CCDC73: variants seen among roughly 807,000 people sequenced by gnomAD.
CCDC73 encodes coiled-coil domain-containing protein 73.
Under a neutral mutation model 116.5 loss-of-function variants are expected in CCDC73, and 95 were observed. The ratio of observed to expected loss-of-function variants is 0.82; its 90% CI spans 0.69 to 0.97. The LOEUF (loss-of-function observed/expected upper bound fraction) is 0.97. Ranked by LOEUF, CCDC73 falls within the 50% of genes least tolerant of loss-of-function variation. The pLI, the probability that CCDC73 is intolerant of heterozygous loss-of-function variation, is 0.00. For synonymous variants in CCDC73, 398 were observed against 401.3 expected, an observed-to-expected ratio of 0.99 and a Z score of 0.10; for missense variants, 1,066 against 1,206.8, an observed-to-expected ratio of 0.88 and a Z score of 1.73.
At chr11:32,707,857 T>G (rs1590605893) in intron 3 of CCDC73, among the ~76,000 whole-genome samples, 2 of 152,174 alleles carry the variant, frequency 1.3e-5, no homozygotes, top group Non-Finnish European at 2.9e-5. Context: ...CAAACATTTC[T>G]GAAATCACCC....
At chr11:32,689,805 C>T (rs1381517287) in intron 6 of CCDC73, among the ~76,000 whole-genome samples, 2 of 152,074 alleles carry the variant, frequency 1.3e-5, no homozygotes, top group East Asian at 3.9e-4. Context: ...ACCATCCTGG[C>T]TAGCATGGTG....
the CCDC73 span, among the ~76,000 whole-genome samples, chr11:32,811,030 A>T: frequency 3.3e-5 from 5 of 151,176 alleles, no homozygotes; most frequent in Admixed American, 1.3e-4. Context: ...TCCCAGCTAC[A>T]TGGGACAGTG....
At chr11:32,780,668 G>A (rs573540183) in intron 1 of CCDC73, among the ~76,000 whole-genome samples, 29 of 152,262 alleles carry the variant, frequency 1.9e-4, no homozygotes, top group African/African-American at 7.0e-4. Flanking sequence ...AATATATGTA[G>A]CCACTTAAAT....
intron 9 of CCDC73, among the ~76,000 whole-genome samples, chr11:32,656,571 A>G (rs1382739690): frequency 6.6e-6 from 1 of 152,196 alleles, no homozygotes; most frequent in East Asian, 1.9e-4. Flanking sequence ...AGTAACTTCA[A>G]GCTTCTATGG....
intron 17 of CCDC73, among the ~76,000 whole-genome samples, chr11:32,607,833 G>A (rs1014621420): frequency 4.6e-5 from 7 of 152,170 alleles, no homozygotes; most frequent in East Asian, 1.9e-4. Flanking sequence ...TAGGTTTAAC[G>A]GACTTACAGT....
chr11:32,605,160 C>CT (rs548347158), intron 17 of CCDC73: 11,585 of 125,648 alleles, frequency 0.092, 581 homozygotes, highest in Non-Finnish European at 0.12. Context: ...CCTAGTAATA[C>CT]TTTTTTTTTT....
chr11:32,824,180 C>T, the CCDC73 span, among the ~76,000 whole-genome samples: 620 of 152,232 alleles, frequency 4.1e-3, 5 homozygotes, highest in Middle Eastern at 0.058. Flanking sequence ...CAGGTGTGAG[C>T]CACCACGCCC....
At chr11:32,783,319 T>C (rs1190719727) in intron 1 of CCDC73, among the ~76,000 whole-genome samples, 1 of 152,150 alleles carries the variant, frequency 6.6e-6, no homozygotes, top group Non-Finnish European at 1.5e-5. Context: ...ATAGAAGATA[T>C]TTTCAGATAT....
chr11:32,791,811 C>CA (rs759565652), intron 1 of CCDC73, among the ~76,000 whole-genome samples: 1 of 152,032 alleles, frequency 6.6e-6, no homozygotes, highest in South Asian at 2.1e-4. Flanking sequence ...AAAACAAAAT[C>CA]AAAAAGTATC....
intron 9 of CCDC73, among the ~76,000 whole-genome samples, chr11:32,675,317 A>G (rs1446461345): frequency 6.6e-6 from 1 of 152,230 alleles, no homozygotes; most frequent in Admixed American, 6.5e-5. Flanking sequence ...ATGAATCCTT[A>G]TAAGGTATTC....
chr11:32,653,067 T>C (rs1002966153), intron 12 of CCDC73, 56 bp downstream of exon 12: 3 of 1,060,462 alleles, frequency 2.8e-6, no homozygotes, highest in Non-Finnish European at 4.3e-6. Flanking sequence ...AGTTAATTAG[T>C]GAAAATATAC....
At chr11:32,777,148 G>T (rs1179954289) in intron 1 of CCDC73, among the ~76,000 whole-genome samples, 1 of 143,508 alleles carries the variant, frequency 7.0e-6, no homozygotes, top group Non-Finnish European at 1.5e-5. Context: ...ACCCAGGCTG[G>T]AGTGTAGTGG....
chr11:32,801,203 C>T, the CCDC73 span, among the ~76,000 whole-genome samples: 3 of 152,164 alleles, frequency 2.0e-5, no homozygotes, highest in Admixed American at 2.0e-4. Flanking sequence ...CATATCTCAT[C>T]GGCTCAAACT....
At chr11:32,695,485 T>C (rs1016577723) in intron 6 of CCDC73, among the ~76,000 whole-genome samples, 1 of 152,162 alleles carries the variant, frequency 6.6e-6, no homozygotes, top group African/African-American at 2.4e-5. Context: ...AATTTAACAT[T>C]TGGTGCTCTG....
chr11:32,657,534 C>A (rs931310754), intron 9 of CCDC73, among the ~76,000 whole-genome samples: 1 of 152,112 alleles, frequency 6.6e-6, no homozygotes, highest in Non-Finnish European at 1.5e-5. Flanking sequence ...TCACTTCCCA[C>A]CCTTTCTCCA....
chr11:32,797,005 G>T, upstream of CCDC73, among the ~76,000 whole-genome samples: 1 of 77,198 alleles, frequency 1.3e-5, no homozygotes, highest in African/African-American at 5.3e-5. Flanking sequence ...GACTGAGACT[G>T]CCTCAAAAAA....
chr11:32,641,096 T>C (rs1432778516), intron 13 of CCDC73, among the ~76,000 whole-genome samples: 1 of 152,112 alleles, frequency 6.6e-6, no homozygotes, highest in Non-Finnish European at 1.5e-5. Context: ...TATGTAATAA[T>C]TTGAATCAAA....
the CCDC73 span, among the ~76,000 whole-genome samples, chr11:32,822,473 T>C: frequency 2.6e-5 from 4 of 152,288 alleles, no homozygotes; most frequent in East Asian, 7.7e-4. Context: ...CCTTGAGCTC[T>C]GCAATATAAA....
the CCDC73 span, among the ~76,000 whole-genome samples, chr11:32,804,264 G>A: frequency 2.6e-5 from 4 of 152,056 alleles, no homozygotes; most frequent in East Asian, 1.9e-4. Context: ...TCAGCCTCCC[G>A]AGTAGCTGGG....
Sources: allele counts gnomAD v4.1 joint callset (sites outside exome capture counted in the v4.1 genomes callset), GRCh38; gene constraint gnomAD v4.1.1; transcripts MANE v1.5; gene names NCBI Gene and HGNC (gene_info 2026-07-23, HGNC 2026-07-21).